Variants in ATP4A observed in about 807,000 individuals in gnomAD.
ATP4A encodes potassium-transporting ATPase alpha chain 1.
A neutral mutation model predicts 112.1 loss-of-function variants in ATP4A; 73 were observed. That is an observed-to-expected ratio of 0.65 (90% confidence interval 0.54 to 0.79). The LOEUF is 0.79. ATP4A is among the 30% of genes least tolerant of loss of function. The pLI is 0.00. For missense variants in ATP4A, 1,081 were observed against 1,425.9 expected, an observed-to-expected ratio of 0.76 and a Z score of 3.90; for synonymous variants, 588 against 588.9, an observed-to-expected ratio of 1.00 and a Z score of 0.02.
Position 35,560,459 on chromosome 19 carries a change from C to G in ATP4A, c.691G>C (p.Gly231Arg), listed in dbSNP as rs2071662287. 1 of 1,613,628 alleles carries G rather than the reference C, an allele frequency of 6.2e-7. No homozygotes were observed. The highest frequency in any genetic ancestry group is 8.5e-7 in the Non-Finnish European group (1 of 1,179,982). The stretch of plus-strand genomic sequence containing the variant: ...GAGCGGGTCTGTGGCTCAGACTCCC[C>G]TGTCAGCGAGGAGTTGTCCACCTTG... ...GCKVDNSSLT[G>R]ESEPQTRSPE... Residue 231 changes from glycine to arginine, a missense_variant, in exon 6 of 22, where the codon GGG becomes CGG. Around this residue, in one of 3 missense-constraint regions of ATP4A, gnomAD observed 850 missense variants for 1,068.2 expected, o/e 0.80. Coordinates refer to ENST00000262623, the MANE Select transcript of ATP4A (RefSeq NM_000704.3). This position sits in a 1 kb window ranked among gnomAD's most constrained non-coding sequence, Gnocchi z 5.1.
chr19:35,561,257 C>A lies in ATP4A; in HGVS notation c.421-325G>T, dbSNP rs187324360. 5.1e-4 allele frequency among the ~76,000 whole-genome samples: 77 copies of A among 152,190 alleles called. 1 individual carries two copies. The highest frequency in any genetic ancestry group is 8.4e-4 in the Non-Finnish European group (57 of 68,006). On this transcript the variant is annotated intron_variant, in intron 4 of 21. Coordinates refer to ENST00000262623, the MANE Select transcript of ATP4A (RefSeq NM_000704.3). The stretch of plus-strand genomic sequence containing the variant: ...GTGCCTTGGTCTGACGTGTTCCCTT[C>A]TCCTGTGTCCCCAAGCCTTGCATTC...
Position 35,550,524 on chromosome 19 carries a change from T to C in ATP4A, c.*91A>G. ...TGGTGGGGCTGGGACTCTTGGTTGCTCAGATATCTTGGTGGCTGTCCAGAG... is the reference window on the plus strand; with the variant it reads ...TGGTGGGGCTGGGACTCTTGGTTGCCCAGATATCTTGGTGGCTGTCCAGAG... On this transcript the variant is annotated 3_prime_UTR_variant, in exon 22 of 22. Transcript: ENST00000262623. This position sits in a 1 kb window ranked among gnomAD's most constrained non-coding sequence, Gnocchi z 4.1. 1 of 1,539,694 alleles carries C rather than the reference T, an allele frequency of 6.5e-7. No homozygotes were observed. The highest frequency in any genetic ancestry group is 1.7e-5 in the Admixed American group (1 of 58,030).
rs745521531 is a variant in ATP4A at position 35,553,133 on chromosome 19, G to A, written c.2655C>T (p.Ala885=). Residue 885 remains alanine, a synonymous_variant, in exon 18 of 22, where the codon GCC becomes GCT. Coordinates refer to ENST00000262623, the MANE Select transcript of ATP4A (RefSeq NM_000704.3). ...AGFTDYFTAM[A]QEGWFPLLCV... is the part of the protein sequence containing the mutation. ...ACAGCAGTGGGAACCAGCCCTCCTG[G>A]GCCATTGCCGTGAAGTAGTCAGTGA... 22 of 1,609,550 alleles carry A rather than the reference G, an allele frequency of 1.4e-5. No homozygotes were observed. The highest frequency in any genetic ancestry group is 1.9e-5 in the Non-Finnish European group (22 of 1,176,418).
In ATP4A at chr19:35,560,663, G is replaced by GGGGGGGGGGGC; in HGVS notation, c.535-49_535-48insGCCCCCCCCCC. ...TTGAGGTGGACGGGGGTGGGGGTGG[G>GGGGGGGGGGGC]AGCTGCTGCATGTGGGGAGGTAAAG... On this transcript the variant is annotated intron_variant, in intron 5 of 21. Transcript: ENST00000262623. This position sits in a 1 kb window ranked among gnomAD's most constrained non-coding sequence, Gnocchi z 5.1. 2 of 883,950 alleles carry GGGGGGGGGGGC rather than the reference G, an allele frequency of 2.3e-6. No homozygotes were observed. The highest frequency in any genetic ancestry group is 1.3e-5 in the South Asian group (1 of 75,650). The allele number at this position is 883,950 out of a possible 1,614,324, so 54.8% of individuals were successfully genotyped here. A position where few individuals can be genotyped will look rare whatever the true frequency, so the allele number is the denominator to read the frequency against.
chr19:35,557,892 G>C lies in ATP4A; in HGVS notation c.1501-45C>G. 9 of 1,258,064 alleles carry C rather than the reference G, an allele frequency of 7.2e-6. No individual in the cohort carries two copies. Among genetic ancestry groups the C allele is most frequent in the Admixed American group, 2.8e-5 (1 of 35,240 alleles). The allele number at this position is 1,258,064 out of a possible 1,614,324, so 77.9% of individuals were successfully genotyped here. On this transcript the variant is annotated intron_variant, in intron 10 of 21. Coordinates refer to ENST00000262623, the MANE Select transcript of ATP4A (RefSeq NM_000704.3). The surrounding 1 kb of genome is among the most constrained non-coding windows in gnomAD (Gnocchi z 4.4). ...GCGAGGCTGTGGACGGGGGAACGGG[G>C]CGGGGCTGTGGACGAGGGAACGGGG...
At chr19:35,554,597 A>G (rs2071619667) in intron 16 of ATP4A, among the ~76,000 whole-genome samples, 1 of 152,096 alleles carries the variant, frequency 6.6e-6, no homozygotes, top group South Asian at 2.1e-4. Flanking sequence ...GTGTCTGTTT[A>G]GGGGCACGTG....
At chr19:35,554,836 C>A in intron 16 of ATP4A, 86 bp downstream of exon 16, 2 of 1,558,092 alleles carry the variant, frequency 1.3e-6, no homozygotes, top group Non-Finnish European at 1.8e-6. Flanking sequence ...CCAAGAGTGT[C>A]TGTGGTGGTC....
chr19:35,563,320 C>G, intron 2 of ATP4A, 52 bp from the exon 3 acceptor site: 2 of 1,613,388 alleles, frequency 1.2e-6, no homozygotes, highest in Non-Finnish European at 1.7e-6. Flanking sequence ...CTGGCCCCCT[C>G]CCCGCCCACT....
Position 35,551,261 on chromosome 19 carries a change from C to T in ATP4A, c.2886-150G>A. 7 of 1,219,672 alleles carry T rather than the reference C, an allele frequency of 5.7e-6. No individual in the cohort carries two copies. The highest frequency in any genetic ancestry group is 8.1e-6 in the Non-Finnish European group (7 of 866,274). 75.6% of individuals were successfully genotyped at this position (1,219,672 alleles called of 1,614,324 possible). A position where few individuals can be genotyped will look rare whatever the true frequency, so the allele number is the denominator to read the frequency against. On this transcript the variant is annotated intron_variant, in intron 19 of 21. Transcript: ENST00000262623. This position sits in a 1 kb window ranked among gnomAD's most constrained non-coding sequence, Gnocchi z 5.2. ...GAGTGGCCCGGGCCTCTCAGCACCA[C>T]CCCTTTAGTGAAATGTGGAGGGGGC...
chr19:35,559,238 C>G lies in ATP4A; in HGVS notation c.1057-47G>C, dbSNP rs771279553. On this transcript the variant is annotated intron_variant, in intron 7 of 21. Coordinates refer to ENST00000262623, the MANE Select transcript of ATP4A (RefSeq NM_000704.3). This position sits in a 1 kb window ranked among gnomAD's most constrained non-coding sequence, Gnocchi z 4.1. Reference sequence around the variant, plus strand: ...CAGGCTGGGGACCCACCCTGGCTTCCAGTCCTCTTCCCCGCGTCAAAGAAC... The same window carrying G: ...CAGGCTGGGGACCCACCCTGGCTTCGAGTCCTCTTCCCCGCGTCAAAGAAC... 3.1e-6 allele frequency: 5 copies of G among 1,592,998 alleles called. No homozygotes were observed. The highest frequency in any genetic ancestry group is 1.7e-5 in the Admixed American group (1 of 59,850).
rs1448957331 is a variant in ATP4A at position 35,563,612 on chromosome 19, A to C, written c.12+6T>G. 6.2e-7 allele frequency: 1 copy of C among 1,613,188 alleles called. No individual in the cohort carries two copies. Among genetic ancestry groups the C allele is most frequent in the Non-Finnish European group, 8.5e-7 (1 of 1,179,862 alleles). Reference sequence around the variant, plus strand: ...ACTGCACCCCGGACCCCTGGGCCCCACTCACGGCCTTCCCCATGGTGCCCG... The same window carrying C: ...ACTGCACCCCGGACCCCTGGGCCCCCCTCACGGCCTTCCCCATGGTGCCCG... On this transcript the variant is annotated splice_donor_region_variant and intron_variant, in intron 1 of 21. Coordinates refer to ENST00000262623, the MANE Select transcript of ATP4A (RefSeq NM_000704.3).
At position 35,559,264 on chromosome 19, in the gene ATP4A, G is replaced by T. The variant is rs1307776749; in HGVS notation, c.1057-73C>A. 2.0e-6 allele frequency: 3 copies of T among 1,529,092 alleles called. No individual in the cohort carries two copies. In the African/African-American group the frequency reaches 4.1e-5, roughly 21 times the overall value. 94.7% of individuals were successfully genotyped at this position (1,529,092 alleles called of 1,614,324 possible). ...AGTCCTCTTCCCCGCGTCAAAGAAC[G>T]GGGAAGGCTTTACCCCAGCCGCGGG... On this transcript the variant is annotated intron_variant, in intron 7 of 21. Coordinates refer to ENST00000262623, the MANE Select transcript of ATP4A (RefSeq NM_000704.3). This position sits in a 1 kb window ranked among gnomAD's most constrained non-coding sequence, Gnocchi z 4.1.
chr19:35,558,546 C>A lies in ATP4A; in HGVS notation c.1365+31G>T. ...GGCGAAGCCGGCTACACCAGCCTCC[C>A]GGGATTCCCTGGAGGCCCCCTGGCT... On this transcript the variant is annotated intron_variant, in intron 9 of 21. Coordinates refer to ENST00000262623, the MANE Select transcript of ATP4A (RefSeq NM_000704.3). This position sits in a 1 kb window ranked among gnomAD's most constrained non-coding sequence, Gnocchi z 5.1. 6.3e-7 allele frequency: 1 copy of A among 1,591,130 alleles called. No homozygotes were observed. Among genetic ancestry groups the A allele is most frequent in the East Asian group, 2.3e-5 (1 of 44,002 alleles).
Position 35,555,546 on chromosome 19 carries a change from A to G in ATP4A, c.2051T>C (p.Met684Thr), listed in dbSNP as rs746669377. 4 of 1,594,794 alleles carry G rather than the reference A, an allele frequency of 2.5e-6. No homozygotes were observed. The highest frequency in any genetic ancestry group is 2.7e-5 in the African/African-American group (2 of 74,768). ...CVINGMQLKD[M>T]DPSELVEALR... ...GGCCTCGACCAGTTCCGATGGGTCC[A>G]TGTCCTTCAGCTGCATGCCATTGAT... The change falls in exon 14 of 22, where the codon ATG (methionine) becomes ACG (threonine). Residue 684 changes from methionine to threonine, a missense_variant. Met to Thr is a moderately conservative substitution (Grantham distance 81). Around this residue, in one of 3 missense-constraint regions of ATP4A, gnomAD observed 850 missense variants for 1,068.2 expected, o/e 0.80. Transcript: ENST00000262623. This position sits in a 1 kb window ranked among gnomAD's most constrained non-coding sequence, Gnocchi z 6.6.
At position 35,558,513 on chromosome 19, in the gene ATP4A, G is replaced by A. The variant is rs368862056; in HGVS notation, c.1366-17C>T. On this transcript the variant is annotated splice_polypyrimidine_tract_variant and intron_variant, in intron 9 of 21. Transcript: ENST00000262623. The surrounding 1 kb of genome is among the most constrained non-coding windows in gnomAD (Gnocchi z 5.1). ...CACGATGCGCTGGGAGCGGGGACCG[G>A]TGTCAGGGGCGAAGCCGGCTACACC... 7.1e-5 allele frequency: 113 copies of A among 1,591,262 alleles called. No individual in the cohort carries two copies. The highest frequency in any genetic ancestry group is 9.1e-5 in the Admixed American group (5 of 55,134).
At chr19:35,561,042 C>A (rs1461474719) in intron 4 of ATP4A, 110 bp from the exon 5 acceptor site, 2 of 856,572 alleles carry the variant, frequency 2.3e-6, no homozygotes, top group South Asian at 1.5e-5. Flanking sequence ...CCATGCTTTT[C>A]CCCACCTACT....
intron 17 of ATP4A, 97 bp downstream of exon 17, chr19:35,553,609 T>G: frequency 6.6e-7 from 1 of 1,518,882 alleles, no homozygotes; most frequent in East Asian, 2.3e-5. Flanking sequence ...GACACTGAGG[T>G]CCAGAACCAG....
In ATP4A at chr19:35,550,377, G is replaced by A. The variant is rs995256573; in HGVS notation, c.*238C>T. ...CGCCACCACAGGTGGCGGCTTTCCC[G>A]AGGCCAGCCCAGAGGACTGCCCAGG... On this transcript the variant is annotated 3_prime_UTR_variant, in exon 22 of 22. Transcript: ENST00000262623. The surrounding 1 kb of genome is among the most constrained non-coding windows in gnomAD (Gnocchi z 4.1). 8 of 574,850 alleles carry A rather than the reference G, an allele frequency of 1.4e-5. No homozygotes were observed. Among genetic ancestry groups the A allele is most frequent in the South Asian group, 4.2e-5 (2 of 47,364 alleles). The allele number at this position is 574,850 out of a possible 1,614,324, so 35.6% of individuals were successfully genotyped here.
chr19:35,560,929 A>G lies in ATP4A; in HGVS notation c.424T>C (p.Tyr142His). 2.5e-6 allele frequency: 4 copies of G among 1,613,692 alleles called. No homozygotes were observed. Among genetic ancestry groups the G allele is most frequent in the Non-Finnish European group, 3.4e-6 (4 of 1,179,730 alleles). Residue 142 changes from tyrosine to histidine, a missense_variant, in exon 5 of 22, where the codon TAC becomes CAC. By Grantham distance (83) the Tyr-to-His change is moderately conservative. Transcript: ENST00000262623. The surrounding 1 kb of genome is among the most constrained non-coding windows in gnomAD (Gnocchi z 5.1). ...ACAGCAATGAGAGCGATTGCCAGGT[A>G]CAGCTGGGGACAGGGAAGGGGTGGG... is the stretch of plus-strand genomic sequence containing the variant. ...EGDLTTDDNL[Y>H]LAIALIAVVV...
Sources: allele counts gnomAD v4.1 joint callset (sites outside exome capture counted in the v4.1 genomes callset), GRCh38; gene constraint gnomAD v4.1.1; regional missense constraint gnomAD v4.1.1; non-coding constraint Gnocchi (gnomAD v3.1); transcripts MANE v1.5; gene names NCBI Gene and HGNC (gene_info 2026-07-23, HGNC 2026-07-21).